The following TMEM204 variants were observed in gnomAD, a reference collection of about 807,000 sequenced individuals.
The protein encoded by TMEM204 is claudin-like protein 24.
A neutral mutation model predicts 19.4 loss-of-function variants in TMEM204; 15 were observed. The ratio of observed to expected loss-of-function variants is 0.77; its 90% confidence interval spans 0.52 to 1.19. The LOEUF is 1.19. Ranked by LOEUF, TMEM204 falls within the 50% of genes most tolerant of loss-of-function variation. The pLI is 0.00. For synonymous variants in TMEM204, 161 were observed against 146.0 expected, an observed-to-expected ratio of 1.10 and a Z score of -0.74; for missense variants, 287 against 321.2, an observed-to-expected ratio of 0.89 and a Z score of 0.81.
upstream of TMEM204, among the ~76,000 whole-genome samples, chr16:1,529,515 T>C (rs2030212111): frequency 6.6e-6 from 1 of 152,190 alleles, no homozygotes; most frequent in Non-Finnish European, 1.5e-5. Context: ...AGCGTCCTGA[T>C]CTCCGATTCG....
At chr16:1,532,991 C>A (rs1266368363), upstream of TMEM204, 2 of 152,496 alleles carry the variant, frequency 1.3e-5, no homozygotes, top group Non-Finnish European at 2.9e-5. Context: ...CTGAGAGCCC[C>A]ACCCAGCACA....
At chr16:1,539,225 A>C (rs540220557) in intron 1 of TMEM204, among the ~76,000 whole-genome samples, 3,175 of 148,168 alleles carry the variant, frequency 0.021, 116 homozygotes, top group African/African-American at 0.074. Context: ...CGCCGACCCA[A>C]GCCTCAGGAC....
intron 1 of TMEM204, among the ~76,000 whole-genome samples, chr16:1,536,396 C>T (rs138799324): frequency 1.8e-3 from 267 of 152,340 alleles, no homozygotes; most frequent in Non-Finnish European, 3.1e-3. Context: ...CTCCTGCTCA[C>T]CTGCCTGCGT....
chr16:1,544,304 C>T (rs1001415556), intron 2 of TMEM204, among the ~76,000 whole-genome samples: 3 of 151,974 alleles, frequency 2.0e-5, no homozygotes, highest in African/African-American at 7.3e-5. Flanking sequence ...CTGCCTCAGC[C>T]TCCTGAGCAG....
In TMEM204 at chr16:1,553,489, G is replaced by A. The variant is rs2032845104; in HGVS notation, c.437-1293G>A. On this transcript the variant is annotated intron_variant, in intron 2 of 2. Coordinates refer to ENST00000566264, the MANE Select transcript of TMEM204 (RefSeq NM_024600.6). The surrounding 1 kb of genome is among the most constrained non-coding windows in gnomAD (Gnocchi z 4.4). ...GCAGGCCAGGCGGAGGGACAGCAGT[G>A]GGGCTCGGCGTGGCCGGAGCCTGGG... 1.2e-5 allele frequency: 12 copies of A among 985,356 alleles called. No homozygotes were observed. The South Asian group carries it at 2.8e-4, about 23-fold the overall frequency. The allele number at this position is 985,356 out of a possible 1,614,324, so 61.0% of individuals were successfully genotyped here.
In TMEM204 at chr16:1,554,972, G is replaced by C; in HGVS notation, c.627G>C (p.Leu209=). The change falls in exon 3 of 3, where the codon CTG becomes CTC. Residue 209 remains leucine, a synonymous_variant. Transcript: ENST00000566264. ...GGGTGATTGTCATCAGCCGCTCCCT[G>C]ACAGCGCGCTTTCGCCGTGGGCTGG... is the stretch of plus-strand genomic sequence containing the variant. ...APRVIVISRS[L]TARFRRGLDN... 1 of 1,613,910 alleles carries C rather than the reference G, an allele frequency of 6.2e-7. No homozygotes were observed. The highest frequency in any genetic ancestry group is 1.1e-5 in the South Asian group (1 of 91,080).
chr16:1,534,499 C>A lies in TMEM204; in HGVS notation c.224C>A (p.Ala75Glu), dbSNP rs371456439. The A allele has an allele frequency of 1.2e-6, 2 of 1,609,326 alleles. No homozygotes were observed. Among genetic ancestry groups the A allele is most frequent in the South Asian group, 2.2e-5 (2 of 91,084 alleles). ...AGQVDAHDCE[A>E]LGWGSEAAGF... is the part of the protein sequence containing the mutation. ...CAGGTGGACGCACATGACTGTGAGG[C>A]GCTGGGCTGGGGCTCCGAGGCAGCC... The change falls in exon 1 of 3, where the codon GCG (alanine) becomes GAG (glutamate). Residue 75 changes from alanine (A) to glutamate (E), a missense_variant. By Grantham distance (107) the Ala-to-Glu change is moderately radical. Transcript: ENST00000566264.
chr16:1,539,470 G>A (rs1018379509), intron 1 of TMEM204, among the ~76,000 whole-genome samples: 2 of 152,374 alleles, frequency 1.3e-5, no homozygotes, highest in East Asian at 1.9e-4. Context: ...CTGGCCCCAC[G>A]GCCACCTATG....
chr16:1,539,582 C>T (rs1222616369), intron 1 of TMEM204, among the ~76,000 whole-genome samples: 1 of 152,258 alleles, frequency 6.6e-6, no homozygotes, highest in Admixed American at 6.5e-5. Flanking sequence ...GTCTTCTGTT[C>T]CTTCTTTAGA....
At chr16:1,546,517 A>G (rs1439112334) in intron 2 of TMEM204, among the ~76,000 whole-genome samples, 1 of 152,210 alleles carries the variant, frequency 6.6e-6, no homozygotes, top group Non-Finnish European at 1.5e-5. Context: ...CAATGCTCGC[A>G]GCTGTTATTC....
intron 2 of TMEM204, among the ~76,000 whole-genome samples, chr16:1,546,920 C>T (rs564132691): frequency 3.3e-5 from 5 of 152,342 alleles, no homozygotes; most frequent in South Asian, 2.1e-4. Flanking sequence ...ATGAGGAGGT[C>T]GTGGCCATGC....
chr16:1,538,298 T>G (rs192069207), intron 1 of TMEM204, among the ~76,000 whole-genome samples: 6 of 152,266 alleles, frequency 3.9e-5, no homozygotes, highest in Admixed American at 3.9e-4. Context: ...GGCACAGGGC[T>G]GTGTGCCTGG....
chr16:1,530,807 A>G (rs1241900998), upstream of TMEM204: 1 of 150,888 alleles, frequency 6.6e-6, no homozygotes, highest in Non-Finnish European at 1.5e-5. Context: ...CCCAGCCAGC[A>G]CACCGTCAGA....
At chr16:1,545,744 G>A (rs532118099) in intron 2 of TMEM204, among the ~76,000 whole-genome samples, 35 of 152,366 alleles carry the variant, frequency 2.3e-4, no homozygotes, top group Middle Eastern at 3.4e-3. Context: ...AAGCCAGAGT[G>A]CAGCACACTG....
chr16:1,536,103 G>A (rs1355791650), intron 1 of TMEM204, among the ~76,000 whole-genome samples: 1 of 152,236 alleles, frequency 6.6e-6, no homozygotes, highest in Non-Finnish European at 1.5e-5. Flanking sequence ...CCCCGGGGGA[G>A]GGAGTTCCCA....
At chr16:1,536,944 A>T (rs542467623) in intron 1 of TMEM204, among the ~76,000 whole-genome samples, 1 of 152,350 alleles carries the variant, frequency 6.6e-6, no homozygotes, top group East Asian at 1.9e-4. Flanking sequence ...ACCTTTCTGC[A>T]AAATCCTGCC....
At chr16:1,546,584 A>G (rs1167518882) in intron 2 of TMEM204, among the ~76,000 whole-genome samples, 2 of 152,140 alleles carry the variant, frequency 1.3e-5, no homozygotes, top group Non-Finnish European at 2.9e-5. Context: ...TTCAGGCCCG[A>G]GGCGCATCCC....
chr16:1,534,555 C>A lies in TMEM204; in HGVS notation c.280C>A (p.Leu94Met). Residue 94 changes from leucine to methionine, a missense_variant and splice_region_variant, in exon 1 of 3, where the codon CTG becomes ATG. By Grantham distance (15) the Leu-to-Met change is conservative. Coordinates refer to ENST00000566264, the MANE Select transcript of TMEM204 (RefSeq NM_024600.6). ...CCAGGAGTCCCGAGGCACCGTCAAA[C>A]GTAAGTCCAATTGTTTTCCTGATGC... is the stretch of plus-strand genomic sequence containing the variant. The part of the protein sequence containing the change: ...GFQESRGTVK[L>M]QFDMMRACNL... 3 of 1,601,644 alleles carry A rather than the reference C, an allele frequency of 1.9e-6. No individual in the cohort carries two copies. The highest frequency in any genetic ancestry group is 3.3e-4 in the Middle Eastern group (2 of 6,060).
chr16:1,545,855 C>T lies in TMEM204; in HGVS notation c.436+3779C>T, dbSNP rs143263913. 3.5e-3 allele frequency among the ~76,000 whole-genome samples: 537 copies of T among 152,348 alleles called. 3 individuals are homozygous for T. Among genetic ancestry groups the T allele is most frequent in the Non-Finnish European group, 4.3e-3 (294 of 68,030 alleles). The stretch of plus-strand genomic sequence containing the variant: ...GGGCTCAGTGCCATGCTCAGCACGA[C>T]GTCTGGGTCTGCAAAGGGACCACCC... On this transcript the variant is annotated intron_variant, in intron 2 of 2. Coordinates refer to ENST00000566264, the MANE Select transcript of TMEM204 (RefSeq NM_024600.6).
Sources: gnomAD v4.1 joint callset for allele counts (sites outside exome capture counted in the v4.1 genomes callset) on GRCh38, gnomAD v4.1.1 for gene constraint, Gnocchi (gnomAD v3.1) non-coding constraint, MANE v1.5 for transcripts, NCBI Gene and HGNC (gene_info 2026-07-23, HGNC 2026-07-21) for gene names.